The following RALGAPA2 variants were observed in gnomAD, a reference collection of about 807,000 sequenced individuals.
RALGAPA2 encodes the protein Ral GTPase activating protein catalytic subunit alpha 2.
Under a neutral mutation model 230.4 loss-of-function variants are expected in RALGAPA2, and 139 were observed. The ratio of observed to expected loss-of-function variants is 0.60; its 90% CI spans 0.53 to 0.69. The LOEUF (loss-of-function observed/expected upper bound fraction) is 0.69, where lower values mean the gene tolerates loss of function less well. Ranked by LOEUF, RALGAPA2 falls within the 30% of genes least tolerant of loss-of-function variation. The pLI is 0.00. For synonymous variants in RALGAPA2, 847 were observed against 837.8 expected, an observed-to-expected ratio of 1.01 and a Z score of -0.19; for missense variants, 2,163 against 2,276.0, an observed-to-expected ratio of 0.95 and a Z score of 1.01.
chr20:20,406,301 C>T (rs747876625), intron 38 of RALGAPA2, among the ~76,000 whole-genome samples: 2 of 152,080 alleles, frequency 1.3e-5, no homozygotes, highest in East Asian at 1.9e-4. Context: ...GAATTGAATC[C>T]CACTGGGTCT....
At chr20:20,537,042 C>G (rs1412633511) in intron 24 of RALGAPA2, among the ~76,000 whole-genome samples, 1 of 152,088 alleles carries the variant, frequency 6.6e-6, no homozygotes, top group East Asian at 1.9e-4. Flanking sequence ...ATTAGAAAGG[C>G]CAATGACTCT....
intron 37 of RALGAPA2, among the ~76,000 whole-genome samples, chr20:20,458,580 ACC>A (rs1464578981): frequency 7.3e-6 from 1 of 136,198 alleles, no homozygotes; most frequent in African/African-American, 2.8e-5. Context: ...TAATATATAT[ACC>A]AATACAATAA....
chr20:20,404,790 C>T (rs1203132685), intron 38 of RALGAPA2, among the ~76,000 whole-genome samples: 2 of 152,198 alleles, frequency 1.3e-5, no homozygotes, highest in African/African-American at 4.8e-5. Flanking sequence ...TCTGTAAGGA[C>T]TGGGAACCCA....
At chr20:20,694,371 T>A (rs1200607089) in intron 1 of RALGAPA2, among the ~76,000 whole-genome samples, 1 of 152,194 alleles carries the variant, frequency 6.6e-6, no homozygotes, top group Non-Finnish European at 1.5e-5. Context: ...AATGGTGGCA[T>A]TTCTGTGAAA....
intron 3 of RALGAPA2, among the ~76,000 whole-genome samples, chr20:20,662,854 C>G: frequency 6.6e-6 from 1 of 152,124 alleles, no homozygotes; most frequent in East Asian, 1.9e-4. Flanking sequence ...CACCCTTGAA[C>G]TGAATCTTGA....
chr20:20,474,101 G>A (rs2061597875), intron 36 of RALGAPA2, among the ~76,000 whole-genome samples: 2 of 152,152 alleles, frequency 1.3e-5, no homozygotes, highest in Admixed American at 1.3e-4. Context: ...TTTTTGGGAG[G>A]GGTCTCCAGT....
intron 3 of RALGAPA2, among the ~76,000 whole-genome samples, chr20:20,664,289 G>A (rs954434893): frequency 2.0e-5 from 3 of 152,138 alleles, no homozygotes; most frequent in African/African-American, 7.2e-5. Flanking sequence ...TCAAAAACTG[G>A]AAAGGCAGCA....
At chr20:20,506,082 CTT>C (rs1240780494) in intron 33 of RALGAPA2, among the ~76,000 whole-genome samples, 1 of 152,082 alleles carries the variant, frequency 6.6e-6, no homozygotes, top group African/African-American at 2.4e-5. Context: ...AGCGAACACA[CTT>C]AGGTATTTTC....
chr20:20,415,230 A>T (rs2060142368), intron 37 of RALGAPA2, among the ~76,000 whole-genome samples: 1 of 152,226 alleles, frequency 6.6e-6, no homozygotes, highest in Non-Finnish European at 1.5e-5. Context: ...AAATGCTTGT[A>T]AGCTTTTCAC....
At chr20:20,642,524 T>C (rs1318683476) in intron 5 of RALGAPA2, among the ~76,000 whole-genome samples, 1 of 152,190 alleles carries the variant, frequency 6.6e-6, no homozygotes, top group Non-Finnish European at 1.5e-5. Context: ...TCTATGTATA[T>C]CTAATCAAAT....
intron 1 of RALGAPA2, among the ~76,000 whole-genome samples, chr20:20,687,991 A>G (rs1470421287): frequency 1.3e-5 from 2 of 152,184 alleles, no homozygotes; most frequent in Admixed American, 6.5e-5. Flanking sequence ...CTATGCGTGC[A>G]GTAATGTGCT....
chr20:20,644,448 C>T (rs2067143164), intron 4 of RALGAPA2, among the ~76,000 whole-genome samples: 1 of 152,120 alleles, frequency 6.6e-6, no homozygotes, highest in African/African-American at 2.4e-5. Context: ...CTGATACAAG[C>T]CACAGCTACA....
In RALGAPA2 at chr20:20,639,799, A is replaced by T. The variant is rs754625449; in HGVS notation, c.652T>A (p.Tyr218Asn). 2 of 1,605,830 alleles carry T rather than the reference A, an allele frequency of 1.2e-6. No individual in the cohort carries two copies. Among genetic ancestry groups the T allele is most frequent in the Non-Finnish European group, 1.7e-6 (2 of 1,172,506 alleles). ...TCFFLQILLK[Y>N]MVIQAASLEW... ...TTTTCTCTGACCTGAATAACCATATACTTCAACAGTATTTGAAGAAAAAAG... is the reference window on the plus strand; with the variant it reads ...TTTTCTCTGACCTGAATAACCATATTCTTCAACAGTATTTGAAGAAAAAAG... Residue 218 changes from tyrosine (Y) to asparagine (N), a missense_variant, in exon 7 of 40, where the codon TAT becomes AAT. Physicochemically the swap from Tyr to Asn is moderately radical, Grantham distance 143 (BLOSUM62 -2). Coordinates refer to ENST00000202677, the MANE Select transcript of RALGAPA2 (RefSeq NM_020343.4).
At chr20:20,519,178 C>T (rs1003974877) in intron 31 of RALGAPA2, among the ~76,000 whole-genome samples, 5 of 152,144 alleles carry the variant, frequency 3.3e-5, no homozygotes, top group African/African-American at 4.8e-5. Context: ...GGTTCAAATT[C>T]CACCTCCCTT....
chr20:20,490,969 T>C (rs1177699765), intron 36 of RALGAPA2, among the ~76,000 whole-genome samples: 1 of 150,980 alleles, frequency 6.6e-6, no homozygotes, highest in African/African-American at 2.4e-5. Context: ...GCTCTGGGGA[T>C]AGTCAGGACA....
chr20:20,546,615 C>A, intron 24 of RALGAPA2, 89 bp downstream of exon 24: 1 of 1,449,484 alleles, frequency 6.9e-7, no homozygotes, highest in South Asian at 1.6e-5. Context: ...ACTAATGAGT[C>A]AACACCTGTT....
intron 26 of RALGAPA2, among the ~76,000 whole-genome samples, chr20:20,532,666 C>G (rs1464170976): frequency 6.6e-6 from 1 of 152,094 alleles, no homozygotes; most frequent in African/African-American, 2.4e-5. Flanking sequence ...AAGGGGTTCA[C>G]TGAAGAGGCA....
rs187972431 is a variant in RALGAPA2, at chr20:20,587,455, T to C, written c.2439+1813A>G. Among the ~76,000 whole-genome samples, 707 of 152,204 alleles carry C rather than the reference T, an allele frequency of 4.6e-3. 2 individuals are homozygous for C. The highest frequency in any genetic ancestry group is 6.8e-3 in the Admixed American group (104 of 15,294). On this transcript the variant is annotated intron_variant, in intron 18 of 39. Transcript: ENST00000202677. ...TTCAATAAATGGGACCTGACACAAG[T>C]AGTTATCTATTCAGGAAAAAAAATG...
chr20:20,603,203 A>G, intron 15 of RALGAPA2, among the ~76,000 whole-genome samples: 1 of 152,236 alleles, frequency 6.6e-6, no homozygotes. Context: ...TAAAAATGTT[A>G]GAAAATCATT....
Sources: gnomAD v4.1 joint callset for allele counts (sites outside exome capture counted in the v4.1 genomes callset) on GRCh38, gnomAD v4.1.1 for gene constraint, MANE v1.5 for transcripts, NCBI Gene and HGNC (gene_info 2026-07-23, HGNC 2026-07-21) for gene names.